Variants in C2CD3 observed in about 807,000 individuals in gnomAD.
C2CD3 encodes C2 domain-containing protein 3.
A neutral mutation model predicts 234.0 loss-of-function variants in C2CD3; 148 were observed. The ratio of observed to expected loss-of-function variants is 0.63; its 90% confidence interval spans 0.55 to 0.72. The LOEUF (loss-of-function observed/expected upper bound fraction) is 0.72, where lower values mean the gene tolerates loss of function less well. Ranked by LOEUF, C2CD3 falls within the 30% of genes least tolerant of loss-of-function variation. The pLI is 0.00. For synonymous variants in C2CD3, 1,000 were observed against 1,035.4 expected, an observed-to-expected ratio of 0.97 and a Z score of 0.66; for missense variants, 2,577 against 2,811.5, an observed-to-expected ratio of 0.92 and a Z score of 1.89.
At chr11:74,048,077 AG>A in intron 28 of C2CD3, 127 bp downstream of exon 28, 1 of 1,012,276 alleles carries the variant, frequency 9.9e-7, no homozygotes, top group Non-Finnish European at 1.4e-6. Context: ...GAGTTGTGAC[AG>A]AAGATCAACA....
chr11:74,040,082 G>A (rs545282844), intron 29 of C2CD3, among the ~76,000 whole-genome samples: 3 of 152,358 alleles, frequency 2.0e-5, no homozygotes, highest in Non-Finnish European at 4.4e-5. Flanking sequence ...CCGCACAGCA[G>A]GAGGTGAGTG....
At chr11:74,089,707 A>G (rs537217727) in intron 20 of C2CD3, among the ~76,000 whole-genome samples, 2 of 152,176 alleles carry the variant, frequency 1.3e-5, no homozygotes, top group Non-Finnish European at 2.9e-5. Flanking sequence ...AGGAGGTTAG[A>G]AGGATGGAGA....
rs1956378484 is a variant in C2CD3, at chr11:74,103,193, C to T, written c.2518G>A (p.Glu840Lys). 8.1e-6 allele frequency: 13 copies of T among 1,614,096 alleles called. No homozygotes were observed. The highest frequency in any genetic ancestry group is 1.7e-5 in the Admixed American group (1 of 60,012). ...GCGATGACAGATCTGGTGACTTCCT[C>T]TGTGCTGAAGAGTTTACAATTTAAA... Reference protein sequence around the residue: ...VYLNCKLFSTEEVTRSVIAWG... With the variant: ...VYLNCKLFSTKEVTRSVIAWG... Residue 840 changes from glutamate to lysine, a missense_variant, in exon 14 of 33, where the codon GAG becomes AAG. Coordinates refer to ENST00000334126, the MANE Select transcript of C2CD3 (RefSeq NM_001286577.2).
chr11:74,040,138 G>T (rs763869357), intron 29 of C2CD3, among the ~76,000 whole-genome samples: 1 of 152,212 alleles, frequency 6.6e-6, no homozygotes, highest in African/African-American at 2.4e-5. Context: ...TGTCAGATCA[G>T]CAGCAGCATT....
chr11:74,127,425 C>T (rs1957448273), intron 7 of C2CD3, among the ~76,000 whole-genome samples: 1 of 152,136 alleles, frequency 6.6e-6, no homozygotes, highest in African/African-American at 2.4e-5. Flanking sequence ...ATTTCTTAAT[C>T]CATTCATCAG....
intron 13 of C2CD3, among the ~76,000 whole-genome samples, chr11:74,104,538 CAGAG>C (rs749520768): frequency 1.3e-5 from 2 of 150,950 alleles, no homozygotes; most frequent in Non-Finnish European, 3.0e-5. Context: ...GATAAAGGGA[CAGAG>C]AGAGAGAGGC....
In C2CD3 at chr11:74,039,359, A is replaced by G. The variant is rs558630547; in HGVS notation, c.5661-1661T>C. Among the ~76,000 whole-genome samples the G allele has an allele frequency of 1.9e-4, 29 of 152,320 alleles. No homozygotes were observed. In the South Asian group the frequency reaches 6.0e-3, roughly 32 times the overall value. On this transcript the variant is annotated intron_variant, in intron 29 of 32. Coordinates refer to ENST00000334126, the MANE Select transcript of C2CD3 (RefSeq NM_001286577.2). Reference sequence around the variant, plus strand: ...ACTGTTTAAGGGCTCTCTGAATCCAAGGAGGTTATGCAAATTGATCTCACC... The same window carrying G: ...ACTGTTTAAGGGCTCTCTGAATCCAGGGAGGTTATGCAAATTGATCTCACC...
chr11:74,033,185 G>A (rs532043885), intron 31 of C2CD3, among the ~76,000 whole-genome samples, 166 bp downstream of exon 31: 102 of 152,196 alleles, frequency 6.7e-4, no homozygotes, highest in Admixed American at 1.6e-3. Flanking sequence ...GAGGGCTGGT[G>A]TTAATGGTAA....
At chr11:74,049,879 C>T (rs1035270347) in intron 26 of C2CD3, among the ~76,000 whole-genome samples, 2 of 152,124 alleles carry the variant, frequency 1.3e-5, no homozygotes, top group South Asian at 4.2e-4. Flanking sequence ...CTCGCAAACT[C>T]AAGCAATCCT....
chr11:74,112,815 G>A (rs1282919663), intron 11 of C2CD3, among the ~76,000 whole-genome samples: 1 of 152,236 alleles, frequency 6.6e-6, no homozygotes, highest in African/African-American at 2.4e-5. Flanking sequence ...TGACGAGGAT[G>A]TAGACAAATT....
intron 9 of C2CD3, 141 bp downstream of exon 9, chr11:74,118,087 T>C (rs1270879604): frequency 1.6e-6 from 1 of 606,960 alleles, no homozygotes; most frequent in Non-Finnish European, 2.7e-6. Flanking sequence ...TATTACATTT[T>C]TAAGAATTAC....
At chr11:74,068,668 C>T (rs1398454342) in intron 24 of C2CD3, among the ~76,000 whole-genome samples, 1 of 152,176 alleles carries the variant, frequency 6.6e-6, no homozygotes, top group Non-Finnish European at 1.5e-5. Context: ...TTCATTCTGG[C>T]TAACTGGGCC....
chr11:74,131,137 AT>A (rs1209865612), intron 7 of C2CD3, among the ~76,000 whole-genome samples: 2 of 151,626 alleles, frequency 1.3e-5, no homozygotes, highest in South Asian at 4.2e-4. Context: ...TCTTGAGATA[AT>A]CATGTGGTTT....
At chr11:74,041,638 C>G (rs1051700513) in intron 29 of C2CD3, among the ~76,000 whole-genome samples, 1 of 152,226 alleles carries the variant, frequency 6.6e-6, no homozygotes, top group Non-Finnish European at 1.5e-5. Flanking sequence ...TCTAGCTGAT[C>G]TATCATCACC....
intron 2 of C2CD3, among the ~76,000 whole-genome samples, chr11:74,167,336 T>C (rs1238501879): frequency 1.3e-5 from 2 of 152,248 alleles, no homozygotes; most frequent in Non-Finnish European, 2.9e-5. Flanking sequence ...AGATTATTTA[T>C]ATCTTTTAAT....
intron 2 of C2CD3, among the ~76,000 whole-genome samples, chr11:74,162,907 C>T (rs1035083818): frequency 5.9e-5 from 9 of 152,154 alleles, no homozygotes; most frequent in Non-Finnish European, 1.2e-4. Flanking sequence ...TAATTGCATA[C>T]TCTTGGGTTA....
At chr11:74,113,047 G>A (rs1360159142) in intron 11 of C2CD3, among the ~76,000 whole-genome samples, 3 of 152,192 alleles carry the variant, frequency 2.0e-5, no homozygotes, top group Admixed American at 1.3e-4. Flanking sequence ...GAAATAACAC[G>A]AATGTCCAGC....
chr11:74,170,970 A>G lies in C2CD3; in HGVS notation c.-178T>C. The stretch of plus-strand genomic sequence containing the variant: ...GTCTCCGGAAAACGGTGCGAAGAGA[A>G]GGCGCCAAGACGCCTTCCCTCCAAT... On this transcript the variant is annotated 5_prime_UTR_variant, in exon 1 of 33. Transcript: ENST00000334126. 1 of 1,423,926 alleles carries G rather than the reference A, an allele frequency of 7.0e-7. No homozygotes were observed. The highest frequency in any genetic ancestry group is 2.5e-5 in the East Asian group (1 of 40,210). The allele number at this position is 1,423,926 out of a possible 1,614,324, so 88.2% of individuals were successfully genotyped here.
At chr11:74,130,669 T>C (rs1957639632) in intron 7 of C2CD3, among the ~76,000 whole-genome samples, 1 of 152,262 alleles carries the variant, frequency 6.6e-6, no homozygotes, top group African/African-American at 2.4e-5. Context: ...ATGGGTTTTT[T>C]TCTAAACTAT....
Sources: gnomAD v4.1 joint callset for allele counts (sites outside exome capture counted in the v4.1 genomes callset) on GRCh38, gnomAD v4.1.1 for gene constraint, MANE v1.5 for transcripts, NCBI Gene and HGNC (gene_info 2026-07-23, HGNC 2026-07-21) for gene names.